ARFGEF2: variants seen among roughly 807,000 people sequenced by gnomAD.
ARFGEF2 encodes brefeldin A-inhibited guanine nucleotide-exchange protein 2.
Under a neutral mutation model 219.9 loss-of-function variants are expected in ARFGEF2, and 74 were observed. The ratio of observed to expected loss-of-function variants is 0.34; its 90% confidence interval spans 0.28 to 0.41. ARFGEF2 has a LOEUF of 0.41. ARFGEF2 is among the 10% of genes least tolerant of loss of function. ARFGEF2 has a pLI of 1.00. For missense variants in ARFGEF2, 1,743 were observed against 2,218.3 expected (o/e 0.79, Z 4.30); for synonymous variants, 733 against 799.2 (o/e 0.92, Z 1.40).
intron 22 of ARFGEF2, 101 bp downstream of exon 22, chr20:48,994,699 C>T: frequency 1.3e-6 from 2 of 1,521,566 alleles, no homozygotes; most frequent in Non-Finnish European, 1.8e-6. Context: ...CCGTCTCTTC[C>T]TTTTGTGCCA....
intron 6 of ARFGEF2, among the ~76,000 whole-genome samples, chr20:48,956,453 AGTTAAAGTTT>A (rs2091106185): frequency 6.6e-6 from 1 of 152,242 alleles, no homozygotes; most frequent in Non-Finnish European, 1.5e-5. Flanking sequence ...TGAGGCCAGG[AGTTAAAGTTT>A]GTTTTTAGGA....
In ARFGEF2 at chr20:49,036,253, A is replaced by G. The variant is rs2091665503; in HGVS notation, c.*3054A>G. The G allele has an allele frequency of 2.5e-6, 1 of 398,280 alleles. No individual in the cohort carries two copies. Among genetic ancestry groups the G allele is most frequent in the East Asian group, 3.6e-5 (1 of 28,006 alleles). 24.7% of individuals were successfully genotyped at this position (398,280 alleles called of 1,614,324 possible). A position where few individuals can be genotyped will look rare whatever the true frequency, so the allele number is the denominator to read the frequency against. On this transcript the variant is annotated 3_prime_UTR_variant, in exon 39 of 39. Coordinates refer to ENST00000371917, the MANE Select transcript of ARFGEF2 (RefSeq NM_006420.3). ...GGAATCCTGGAGTTTTGTTATCAGC[A>G]GCTTTGCAGTTTGGGAAACAAAGAA...
At position 49,034,521 on chromosome 20, in the gene ARFGEF2, C is replaced by G. The variant is rs2091655388; in HGVS notation, c.*1322C>G. ...ATGCTCACCCATGAGAAGGAGCACACACGCCTCATTCTCTGCCCTCACCCA... is the reference window on the plus strand; with the variant it reads ...ATGCTCACCCATGAGAAGGAGCACAGACGCCTCATTCTCTGCCCTCACCCA... On this transcript the variant is annotated 3_prime_UTR_variant, in exon 39 of 39. Coordinates refer to ENST00000371917, the MANE Select transcript of ARFGEF2 (RefSeq NM_006420.3). The G allele has an allele frequency of 6.6e-6, 1 of 152,214 alleles. No homozygotes were observed. The allele number at this position is 152,214 out of a possible 1,614,324, so 9.4% of individuals were successfully genotyped here.
intron 22 of ARFGEF2, 48 bp downstream of exon 22, chr20:48,994,646 CG>C (rs1568727221): frequency 6.2e-7 from 1 of 1,608,130 alleles, no homozygotes; most frequent in Non-Finnish European, 8.5e-7. Context: ...TGCAAGCTAA[CG>C]GGGATGAAAC....
rs1239232835 is a variant in ARFGEF2 at position 48,955,727 on chromosome 20, AC to A, written c.838+1941del. Among the ~76,000 whole-genome samples the A allele has an allele frequency of 5.3e-5, 8 of 152,100 alleles. No individual in the cohort carries two copies. In the South Asian group the frequency reaches 1.7e-3, roughly 32 times the overall value. On this transcript the variant is annotated intron_variant, in intron 6 of 38. Transcript: ENST00000371917. The stretch of plus-strand genomic sequence containing the variant: ...GAATCAGATTGCCTGGGAGAAGCAA[AC>A]CCCAGACCTGCAAATAGTGGGTCAG...
intron 38 of ARFGEF2, among the ~76,000 whole-genome samples, chr20:49,032,606 T>A (rs1418977707): frequency 2.0e-5 from 3 of 152,106 alleles, no homozygotes; most frequent in South Asian, 2.1e-4. Flanking sequence ...TCTTTTTTTT[T>A]TTTTGAGACA....
intron 32 of ARFGEF2, 33 bp downstream of exon 32, chr20:49,017,420 C>G: frequency 6.2e-7 from 1 of 1,613,890 alleles, no homozygotes; most frequent in Non-Finnish European, 8.5e-7. Flanking sequence ...CCGTTTATCT[C>G]TGTGTTCAGT....
rs370851843 is a variant in ARFGEF2 at position 49,025,448 on chromosome 20, A to G, written c.4891A>G (p.Asn1631Asp). The change falls in exon 36 of 39, where the codon AAT (asparagine) becomes GAT (aspartate). Residue 1631 changes from asparagine to aspartate, a missense_variant. Transcript: ENST00000371917. ...TTCATTCTCAAAGGCCTTCAACTCC[A>G]ATTACGAGCAGCGGACTGTCCTGTG... ...SHSFSKAFNS[N>D]YEQRTVLWRA... is the part of the protein sequence containing the mutation. The G allele has an allele frequency of 1.8e-5, 29 of 1,614,148 alleles. No individual in the cohort carries two copies. Among genetic ancestry groups the G allele is most frequent in the East Asian group, 8.9e-5 (4 of 44,884 alleles).
chr20:48,937,071 G>T (rs1369157134), intron 1 of ARFGEF2, among the ~76,000 whole-genome samples: 4 of 152,204 alleles, frequency 2.6e-5, no homozygotes, highest in Non-Finnish European at 5.9e-5. Flanking sequence ...GGGTGAGAGG[G>T]TGAGACTCTG....
intron 27 of ARFGEF2, 62 bp downstream of exon 27, chr20:49,010,466 G>A: frequency 6.3e-7 from 1 of 1,594,472 alleles, no homozygotes; most frequent in South Asian, 1.1e-5. Context: ...AGTGTCACTT[G>A]CTGTCTATTT....
intron 1 of ARFGEF2, among the ~76,000 whole-genome samples, chr20:48,923,704 G>A (rs2090858166): frequency 6.6e-6 from 1 of 152,192 alleles, no homozygotes. Flanking sequence ...TTGTTGTGGA[G>A]GTTTCAGAAT....
chr20:48,928,421 A>G (rs1945769820), intron 1 of ARFGEF2, among the ~76,000 whole-genome samples: 1 of 143,344 alleles, frequency 7.0e-6, no homozygotes. Flanking sequence ...GATGGTCTCG[A>G]TCTCCTGACC....
At chr20:49,031,482 G>A (rs1245227526) in intron 37 of ARFGEF2, among the ~76,000 whole-genome samples, 2 of 151,994 alleles carry the variant, frequency 1.3e-5, no homozygotes, top group East Asian at 3.8e-4. Flanking sequence ...GCTTGCGTTG[G>A]CCTCCCAGAG....
intron 3 of ARFGEF2, among the ~76,000 whole-genome samples, chr20:48,947,851 A>G (rs553734074): frequency 3.3e-5 from 5 of 152,308 alleles, no homozygotes; most frequent in African/African-American, 9.6e-5. Flanking sequence ...GTGAGACCCC[A>G]TCTCAAAATA....
intron 3 of ARFGEF2, among the ~76,000 whole-genome samples, chr20:48,942,280 A>G (rs1183576287): frequency 6.6e-6 from 1 of 152,032 alleles, no homozygotes; most frequent in East Asian, 1.9e-4. Flanking sequence ...TTTGACACAC[A>G]TGGGCACATA....
intron 28 of ARFGEF2, among the ~76,000 whole-genome samples, chr20:49,012,602 A>C (rs893605207): frequency 6.6e-6 from 1 of 152,218 alleles, no homozygotes; most frequent in East Asian, 1.9e-4. Context: ...AAACAAGTCC[A>C]TCTAAACTAT....
chr20:48,953,608 C>G lies in ARFGEF2; in HGVS notation c.656C>G (p.Pro219Arg). The change falls in exon 6 of 39, where the codon CCT becomes CGT. Residue 219 changes from proline to arginine, a missense_variant. Pro to Arg is a moderately radical substitution (Grantham distance 103). Coordinates refer to ENST00000371917, the MANE Select transcript of ARFGEF2 (RefSeq NM_006420.3). ...CCAATCCAGTCAAAACCCCAGTCCC[C>G]TGTGATCCAAGCTGCAGCAGTATCC... ...EKPIQSKPQS[P>R]VIQAAAVSPK... 2 of 1,614,194 alleles carry G rather than the reference C, an allele frequency of 1.2e-6. No individual in the cohort carries two copies. The highest frequency in any genetic ancestry group is 1.3e-5 in the African/African-American group (1 of 75,044).
intron 1 of ARFGEF2, among the ~76,000 whole-genome samples, chr20:48,924,216 A>G (rs1350116152): frequency 6.6e-6 from 1 of 152,158 alleles, no homozygotes; most frequent in Non-Finnish European, 1.5e-5. Flanking sequence ...CCATTTAAGA[A>G]GAGAAATTTG....
intron 21 of ARFGEF2, among the ~76,000 whole-genome samples, 153 bp from the exon 22 acceptor site, chr20:48,994,296 TTC>T (rs2091373656): frequency 6.6e-6 from 1 of 152,210 alleles, no homozygotes; most frequent in Admixed American, 6.5e-5. Context: ...CAAATGCTTT[TTC>T]TCTCTTTATT....
Sources: gnomAD v4.1 joint callset for allele counts (sites outside exome capture counted in the v4.1 genomes callset) on GRCh38, gnomAD v4.1.1 for gene constraint, MANE v1.5 for transcripts, NCBI Gene and HGNC (gene_info 2026-07-23, HGNC 2026-07-21) for gene names.